ATP11B: variants seen among roughly 807,000 people sequenced by gnomAD.
The protein encoded by ATP11B is phospholipid-transporting ATPase IF.
ATP11B carries 81 observed loss-of-function variants against 157.8 expected under a neutral mutation model. The ratio of observed to expected loss-of-function variants is 0.51; its 90% CI spans 0.43 to 0.62. ATP11B has a LOEUF of 0.62. Ranked by LOEUF, ATP11B falls within the 20% of genes least tolerant of loss-of-function variation. ATP11B has a pLI of 0.00. For synonymous variants in ATP11B, 451 were observed against 469.4 expected, an observed-to-expected ratio of 0.96 and a Z score of 0.51; for missense variants, 1,165 against 1,402.2, an observed-to-expected ratio of 0.83 and a Z score of 2.70.
chr3:182,914,131 C>G, intron 29 of ATP11B, 137 bp downstream of exon 29: 2 of 1,485,394 alleles, frequency 1.3e-6, no homozygotes, highest in South Asian at 2.8e-5. Context: ...TTTATTAGCA[C>G]TCTTTGGTGG....
chr3:182,875,768 T>A (rs1392836474), intron 19 of ATP11B, among the ~76,000 whole-genome samples: 1 of 152,098 alleles, frequency 6.6e-6, no homozygotes, highest in Non-Finnish European at 1.5e-5. Flanking sequence ...AAATATCTCT[T>A]AAATAGGGTC....
chr3:182,860,155 T>A (rs779118263), intron 12 of ATP11B, among the ~76,000 whole-genome samples: 2 of 152,222 alleles, frequency 1.3e-5, no homozygotes, highest in Non-Finnish European at 2.9e-5. Flanking sequence ...TATTCTCTTT[T>A]GGTGCTGTAC....
chr3:182,864,353 G>A (rs1341463370), intron 12 of ATP11B, among the ~76,000 whole-genome samples: 1 of 152,112 alleles, frequency 6.6e-6, no homozygotes, highest in Non-Finnish European at 1.5e-5. Context: ...ACAGCATTCA[G>A]TCTCTCTCCA....
intron 2 of ATP11B, among the ~76,000 whole-genome samples, chr3:182,823,255 A>G (rs1306519809): frequency 1.3e-5 from 2 of 152,220 alleles, no homozygotes; most frequent in African/African-American, 2.4e-5. Context: ...TAGGTCTGAC[A>G]TTTAAGTCTT....
intron 7 of ATP11B, among the ~76,000 whole-genome samples, chr3:182,839,183 A>G (rs1056310982): frequency 6.6e-6 from 1 of 152,242 alleles, no homozygotes; most frequent in African/African-American, 2.4e-5. Flanking sequence ...ATACAGGAAC[A>G]GAAAACCAAA....
intron 29 of ATP11B, chr3:182,914,281 A>T: frequency 8.8e-7 from 1 of 1,131,418 alleles, no homozygotes; most frequent in Non-Finnish European, 1.1e-6. Flanking sequence ...GAGTGTGTTT[A>T]TGGTACTCTT....
intron 28 of ATP11B, among the ~76,000 whole-genome samples, chr3:182,910,176 G>A (rs1300238714): frequency 1.3e-5 from 2 of 150,404 alleles, no homozygotes; most frequent in Non-Finnish European, 3.0e-5. Flanking sequence ...TATACACTTA[G>A]TTCAAAAAGT....
intron 10 of ATP11B, among the ~76,000 whole-genome samples, chr3:182,849,980 A>G (rs375046846): frequency 8.5e-5 from 13 of 152,330 alleles, no homozygotes; most frequent in Admixed American, 5.9e-4. Flanking sequence ...CTAGAATCCA[A>G]AGAAAAAGAA....
intron 27 of ATP11B, 68 bp downstream of exon 27, chr3:182,897,474 C>T (rs1335437915): frequency 4.6e-6 from 5 of 1,097,742 alleles, no homozygotes; most frequent in South Asian, 1.5e-5. Context: ...TGATAGGTTA[C>T]ATTATGAACA....
At chr3:182,798,848 A>T (rs1219443572) in intron 1 of ATP11B, among the ~76,000 whole-genome samples, 3 of 152,258 alleles carry the variant, frequency 2.0e-5, no homozygotes, top group African/African-American at 7.2e-5. Flanking sequence ...ACATGTTGAA[A>T]TTATATTGGG....
chr3:182,911,283 T>A (rs1428581612), intron 28 of ATP11B, among the ~76,000 whole-genome samples: 3 of 71,422 alleles, frequency 4.2e-5, no homozygotes, highest in African/African-American at 2.3e-4. Flanking sequence ...CCCCCCCCGC[T>A]AAGTCCTTTA....
intron 10 of ATP11B, among the ~76,000 whole-genome samples, chr3:182,852,741 A>T (rs536952442): frequency 6.6e-6 from 1 of 152,346 alleles, no homozygotes; most frequent in East Asian, 1.9e-4. Context: ...CATAATAACT[A>T]AATCTGTAAA....
chr3:182,857,577 CTT>C (rs1445337009), intron 10 of ATP11B, among the ~76,000 whole-genome samples: 4 of 106,770 alleles, frequency 3.7e-5, no homozygotes, highest in Admixed American at 1.8e-4. Flanking sequence ...AAAAAAAAAA[CTT>C]AGAATAATTA....
intron 27 of ATP11B, among the ~76,000 whole-genome samples, chr3:182,898,304 TTTTTCTTGC>T: frequency 6.6e-6 from 1 of 152,280 alleles, no homozygotes; most frequent in East Asian, 1.9e-4. Flanking sequence ...TATTACACAC[TTTTTCTTGC>T]TTTACTTGGT....
intron 4 of ATP11B, among the ~76,000 whole-genome samples, chr3:182,830,456 G>C (rs1322470954): frequency 6.6e-6 from 1 of 152,112 alleles, no homozygotes; most frequent in East Asian, 1.9e-4. Context: ...TCTAGTTACA[G>C]AGAAACAAGG....
At chr3:182,916,541 T>TG (rs1725153423) in intron 29 of ATP11B, 1 of 985,266 alleles carries the variant, frequency 1.0e-6, no homozygotes, top group Admixed American at 6.2e-5. Flanking sequence ...TATGCCATGT[T>TG]GCACCCTAAA....
intron 1 of ATP11B, among the ~76,000 whole-genome samples, chr3:182,817,697 C>T (rs1230665042): frequency 6.6e-6 from 1 of 152,094 alleles, no homozygotes; most frequent in South Asian, 2.1e-4. Context: ...AAATGATGAG[C>T]ATTTGCTTCA....
chr3:182,899,777 T>C (rs547505754), intron 28 of ATP11B, among the ~76,000 whole-genome samples: 1 of 152,304 alleles, frequency 6.6e-6, no homozygotes, highest in East Asian at 1.9e-4. Context: ...AATTTCCAAA[T>C]ACTTAGTAGG....
intron 18 of ATP11B, among the ~76,000 whole-genome samples, 168 bp downstream of exon 18, chr3:182,872,705 G>C (rs1220888564): frequency 6.6e-6 from 1 of 152,114 alleles, no homozygotes; most frequent in African/African-American, 2.4e-5. Context: ...TACAATTTTT[G>C]TTCTAGCTAG....
Sources: gnomAD v4.1 joint callset for allele counts (sites outside exome capture counted in the v4.1 genomes callset) on GRCh38, gnomAD v4.1.1 for gene constraint, MANE v1.5 for transcripts, NCBI Gene and HGNC (gene_info 2026-07-23, HGNC 2026-07-21) for gene names.